Variants in HOXC13 observed in about 807,000 individuals in gnomAD.
HOXC13 encodes homeobox protein Hox-C13.
Under a neutral mutation model 25.9 loss-of-function variants are expected in HOXC13, and 10 were observed. The observed-to-expected ratio is 0.39, with a 90% CI of 0.24 to 0.65. The LOEUF (loss-of-function observed/expected upper bound fraction) is 0.65, where lower values mean the gene tolerates loss of function less well. HOXC13 is among the 30% of genes least tolerant of loss of function. The pLI, the probability that HOXC13 is intolerant of heterozygous loss-of-function variation, is 0.50. For missense variants in HOXC13, 439 were observed against 478.3 expected, an observed-to-expected ratio of 0.92 and a Z score of 0.77; for synonymous variants, 233 against 217.1, an observed-to-expected ratio of 1.07 and a Z score of -0.64.
chr12:53,939,425 C>CT lies in HOXC13; in HGVS notation c.521dup (p.Tyr175LeufsTer95). 6.2e-7 allele frequency: 1 copy of CT among 1,604,414 alleles called. No individual in the cohort carries two copies. The highest frequency in any genetic ancestry group is 8.5e-7 in the Non-Finnish European group (1 of 1,177,404). ...TGTCCTCTAGGGCCAAGGAGTTCGC[C>CT]TTCTACCCCAGCTTCGCCAGCTCCT... On this transcript the variant is annotated frameshift_variant, in exon 1 of 2. Transcript: ENST00000243056. LOFTEE classifies it high-confidence loss of function. This position sits in a 1 kb window ranked among gnomAD's most constrained non-coding sequence, Gnocchi z 6.7.
chr12:53,945,841 A>T lies in HOXC13; in HGVS notation c.*585A>T, dbSNP rs1353610006. On this transcript the variant is annotated 3_prime_UTR_variant, in exon 2 of 2. Coordinates refer to ENST00000243056, the MANE Select transcript of HOXC13 (RefSeq NM_017410.3). The surrounding 1 kb of genome is among the most constrained non-coding windows in gnomAD (Gnocchi z 4.4). Reference sequence around the variant, plus strand: ...AGGGACCTGGCAGCGTGATTGGAGTATGGATGTTTCCGTAAAAGCTGGAAT... The same window carrying T: ...AGGGACCTGGCAGCGTGATTGGAGTTTGGATGTTTCCGTAAAAGCTGGAAT... 2.1e-5 allele frequency: 5 copies of T among 235,162 alleles called. No homozygotes were observed. Among genetic ancestry groups the T allele is most frequent in the Non-Finnish European group, 3.4e-5 (4 of 118,960 alleles). The allele number at this position is 235,162 out of a possible 1,614,324, so 14.6% of individuals were successfully genotyped here. A position where few individuals can be genotyped will look rare whatever the true frequency, so the allele number is the denominator to read the frequency against.
rs1387188740 is a variant in HOXC13 at position 53,945,279 on chromosome 12, A to G, written c.*23A>G. On this transcript the variant is annotated 3_prime_UTR_variant, in exon 2 of 2. Transcript: ENST00000243056. The surrounding 1 kb of genome is among the most constrained non-coding windows in gnomAD (Gnocchi z 4.4). Reference sequence around the variant, plus strand: ...TGACCACCCACCCGCTGCTTGCCCCATCTATTTATGTCTCCGCTTTGTACC... The same window carrying G: ...TGACCACCCACCCGCTGCTTGCCCCGTCTATTTATGTCTCCGCTTTGTACC... 4 of 1,612,880 alleles carry G rather than the reference A, an allele frequency of 2.5e-6. No individual in the cohort carries two copies. Among genetic ancestry groups the G allele is most frequent in the South Asian group, 1.1e-5 (1 of 91,054 alleles).
In HOXC13 at chr12:53,939,221, T is replaced by C; in HGVS notation, c.315T>C (p.Cys105=). The part of the protein sequence containing the change: ...DIPAPEAARQ[C]APPPAPPTSS... ...CGGCCCCGGAGGCGGCGCGCCAGTG[T>C]GCCCCGCCGCCCGCACCCCCCACCT... is the stretch of plus-strand genomic sequence containing the variant. The change falls in exon 1 of 2, where the codon TGT becomes TGC. Residue 105 remains cysteine, a synonymous_variant. Transcript: ENST00000243056. The surrounding 1 kb of genome is among the most constrained non-coding windows in gnomAD (Gnocchi z 6.7). The C allele has an allele frequency of 1.3e-6, 2 of 1,535,740 alleles. No individual in the cohort carries two copies. The highest frequency in any genetic ancestry group is 1.2e-5 in the South Asian group (1 of 83,112).
chr12:53,941,554 A>T (rs1938611373), intron 1 of HOXC13, among the ~76,000 whole-genome samples: 1 of 131,502 alleles, frequency 7.6e-6, no homozygotes, highest in South Asian at 2.7e-4. Context: ...CATCTCAAAG[A>T]TTCCTAGGAC....
At position 53,945,018 on chromosome 12, in the gene HOXC13, C is replaced by A; in HGVS notation, c.755C>A (p.Pro252His). ...SPFPDVVPLQ[P>H]EVSSYRRGRK... ...CCCGCAGACGTGGTTCCCCTGCAGC[C>A]CGAGGTGAGCAGCTACCGGCGCGGG... The change falls in exon 2 of 2, where the codon CCC (proline) becomes CAC (histidine). Residue 252 changes from proline to histidine, a missense_variant. Physicochemically the swap from Pro to His is moderately conservative, Grantham distance 77 (BLOSUM62 -2). Coordinates refer to ENST00000243056, the MANE Select transcript of HOXC13 (RefSeq NM_017410.3). This position sits in a 1 kb window ranked among gnomAD's most constrained non-coding sequence, Gnocchi z 4.4. 1 of 1,613,850 alleles carries A rather than the reference C, an allele frequency of 6.2e-7. No homozygotes were observed. The highest frequency in any genetic ancestry group is 8.5e-7 in the Non-Finnish European group (1 of 1,180,002).
At chr12:53,941,904 C>G (rs536929651) in intron 1 of HOXC13, among the ~76,000 whole-genome samples, 1 of 152,200 alleles carries the variant, frequency 6.6e-6, no homozygotes, top group East Asian at 1.9e-4. Context: ...TTCAAGATAA[C>G]TCTGTCTGTG....
Position 53,945,871 on chromosome 12 carries a change from TA to T in HOXC13, c.*619del, listed in dbSNP as rs1452694350. 3 of 233,470 alleles carry T rather than the reference TA, an allele frequency of 1.3e-5. No individual in the cohort carries two copies. Among genetic ancestry groups the T allele is most frequent in the Non-Finnish European group, 2.5e-5 (3 of 118,354 alleles). 14.5% of individuals were successfully genotyped at this position (233,470 alleles called of 1,614,324 possible). On this transcript the variant is annotated 3_prime_UTR_variant, in exon 2 of 2. Coordinates refer to ENST00000243056, the MANE Select transcript of HOXC13 (RefSeq NM_017410.3). The surrounding 1 kb of genome is among the most constrained non-coding windows in gnomAD (Gnocchi z 4.4). ...TGTTTCCGTAAAAGCTGGAATTCCG[TA>T]AAAGCATTGACGCAGCCCCTACACT...
chr12:53,944,583 A>G (rs1592185497), intron 1 of HOXC13, among the ~76,000 whole-genome samples: 1 of 152,158 alleles, frequency 6.6e-6, no homozygotes, highest in South Asian at 2.1e-4. Context: ...TGGAATTTGG[A>G]GGGTCCCTTC....
At chr12:53,942,144 T>G (rs928192301) in intron 1 of HOXC13, among the ~76,000 whole-genome samples, 8 of 134,496 alleles carry the variant, frequency 5.9e-5, no homozygotes, top group South Asian at 2.5e-4. Context: ...CTCCCTACGG[T>G]GAGTGTAGAC....
Position 53,939,110 on chromosome 12 carries a change from C to G in HOXC13, c.204C>G (p.His68Gln). The change falls in exon 1 of 2, where the codon CAC becomes CAG. Residue 68 changes from histidine to glutamine, a missense_variant. Coordinates refer to ENST00000243056, the MANE Select transcript of HOXC13 (RefSeq NM_017410.3). This position sits in a 1 kb window ranked among gnomAD's most constrained non-coding sequence, Gnocchi z 6.7. ...TGGGCAGCAGCTGCCCGGCCAGCCA[C>G]TGCCGCGACCTGCTTCCGCACCCCG... The part of the protein sequence containing the change: ...DGLGSSCPAS[H>Q]CRDLLPHPVL... 1.4e-6 allele frequency: 2 copies of G among 1,445,810 alleles called. No homozygotes were observed. Among genetic ancestry groups the G allele is most frequent in the East Asian group, 5.7e-5 (2 of 34,828 alleles). The allele number at this position is 1,445,810 out of a possible 1,614,324, so 89.6% of individuals were successfully genotyped here.
chr12:53,941,667 A>G (rs1297453539), intron 1 of HOXC13, among the ~76,000 whole-genome samples: 1 of 152,278 alleles, frequency 6.6e-6, no homozygotes, highest in African/African-American at 2.4e-5. Flanking sequence ...AAAAAAGTAT[A>G]TCCCAATTGA....
At chr12:53,942,414 CGGGTGGTCAAGGGT>C (rs1257596864) in intron 1 of HOXC13, among the ~76,000 whole-genome samples, 1 of 14,886 alleles carries the variant, frequency 6.7e-5, no homozygotes, top group Non-Finnish European at 1.3e-4. Context: ...TGTGGGGGGG[CGGGTGGTCAAGGGT>C]GGGTGGGCTG....
Position 53,939,927 on chromosome 12 carries a change from G to A in HOXC13, c.736+285G>A, listed in dbSNP as rs1302692707. Reference sequence around the variant, plus strand: ...CGGTAGCTCGCCTCCGCCTCCCCTTGCAGGCTCCAGCCTCCCGCCGGGCTC... The same window carrying A: ...CGGTAGCTCGCCTCCGCCTCCCCTTACAGGCTCCAGCCTCCCGCCGGGCTC... On this transcript the variant is annotated intron_variant, in intron 1 of 1. Transcript: ENST00000243056. This position sits in a 1 kb window ranked among gnomAD's most constrained non-coding sequence, Gnocchi z 6.7. Among the ~76,000 whole-genome samples the A allele has an allele frequency of 6.6e-6, 1 of 152,218 alleles. No homozygotes were observed. Among genetic ancestry groups the A allele is most frequent in the Non-Finnish European group, 1.5e-5 (1 of 68,036 alleles).
chr12:53,941,129 C>T lies in HOXC13; in HGVS notation c.736+1487C>T, dbSNP rs147676419. ...TACATGGTATTATGCATCACCTACC[C>T]TGTATTGGCTGTAATATTTTTATAT... On this transcript the variant is annotated intron_variant, in intron 1 of 1. Transcript: ENST00000243056. Among the ~76,000 whole-genome samples, 1,509 of 152,284 alleles carry T rather than the reference C, an allele frequency of 9.9e-3. 25 individuals are homozygous for T. Among genetic ancestry groups the T allele is most frequent in the African/African-American group, 0.034 (1,419 of 41,540 alleles).
chr12:53,943,275 G>A (rs1054960205), intron 1 of HOXC13, among the ~76,000 whole-genome samples: 3 of 152,188 alleles, frequency 2.0e-5, no homozygotes, highest in South Asian at 2.1e-4. Flanking sequence ...AACAACAAAA[G>A]CAACAAACTC....
chr12:53,939,135 G>A lies in HOXC13; in HGVS notation c.229G>A (p.Val77Met), dbSNP rs1322902490. ...CTGCCGCGACCTGCTTCCGCACCCC[G>A]TGCTGGGCCGCCCGCCGGCTCCCCT... is the stretch of plus-strand genomic sequence containing the variant. ...SHCRDLLPHP[V>M]LGRPPAPLGA... Residue 77 changes from valine to methionine, a missense_variant, in exon 1 of 2, where the codon GTG (valine) becomes ATG (methionine). Physicochemically the swap from Val to Met is conservative, Grantham distance 21. Transcript: ENST00000243056. This position sits in a 1 kb window ranked among gnomAD's most constrained non-coding sequence, Gnocchi z 6.7. The A allele has an allele frequency of 1.4e-6, 2 of 1,473,418 alleles. No individual in the cohort carries two copies. The highest frequency in any genetic ancestry group is 1.8e-6 in the Non-Finnish European group (2 of 1,123,348). 91.3% of individuals were successfully genotyped at this position (1,473,418 alleles called of 1,614,324 possible).
rs762288044 is a variant in HOXC13 at position 53,939,545 on chromosome 12, C to T, written c.639C>T (p.Gly213=). 1.9e-6 allele frequency: 3 copies of T among 1,612,380 alleles called. No homozygotes were observed. Among genetic ancestry groups the T allele is most frequent in the Non-Finnish European group, 2.5e-6 (3 of 1,179,852 alleles). ...PRHDALIPVE[G]YQHWALSNGW... is the part of the protein sequence containing the mutation. ...ACGACGCCCTCATCCCCGTCGAAGGCTACCAGCACTGGGCTCTCTCCAATG... is the reference window on the plus strand; with the variant it reads ...ACGACGCCCTCATCCCCGTCGAAGGTTACCAGCACTGGGCTCTCTCCAATG... Residue 213 remains glycine, a synonymous_variant, in exon 1 of 2, where the codon GGC becomes GGT. Coordinates refer to ENST00000243056, the MANE Select transcript of HOXC13 (RefSeq NM_017410.3). This position sits in a 1 kb window ranked among gnomAD's most constrained non-coding sequence, Gnocchi z 6.7.
intron 1 of HOXC13, among the ~76,000 whole-genome samples, chr12:53,942,964 G>A (rs1022133685): frequency 1.4e-4 from 22 of 152,288 alleles, no homozygotes; most frequent in African/African-American, 4.8e-4. Context: ...AGAGTTTAAA[G>A]AGAGTAAAGT....
chr12:53,939,111 T>G lies in HOXC13; in HGVS notation c.205T>G (p.Cys69Gly). The change falls in exon 1 of 2, where the codon TGC (cysteine) becomes GGC (glycine). Residue 69 changes from cysteine (C) to glycine (G), a missense_variant. Transcript: ENST00000243056. The surrounding 1 kb of genome is among the most constrained non-coding windows in gnomAD (Gnocchi z 6.7). ...GLGSSCPASH[C>G]RDLLPHPVLG... Reference sequence around the variant, plus strand: ...GGGCAGCAGCTGCCCGGCCAGCCACTGCCGCGACCTGCTTCCGCACCCCGT... The same window carrying G: ...GGGCAGCAGCTGCCCGGCCAGCCACGGCCGCGACCTGCTTCCGCACCCCGT... 2 of 1,446,186 alleles carry G rather than the reference T, an allele frequency of 1.4e-6. No individual in the cohort carries two copies. The highest frequency in any genetic ancestry group is 2.9e-5 in the East Asian group (1 of 34,812). The allele number at this position is 1,446,186 out of a possible 1,614,324, so 89.6% of individuals were successfully genotyped here. A position where few individuals can be genotyped will look rare whatever the true frequency, so the allele number is the denominator to read the frequency against.
Sources: allele counts gnomAD v4.1 joint callset (sites outside exome capture counted in the v4.1 genomes callset), GRCh38; gene constraint gnomAD v4.1.1; non-coding constraint Gnocchi (gnomAD v3.1); transcripts MANE v1.5; gene names NCBI Gene and HGNC (gene_info 2026-07-23, HGNC 2026-07-21).